The following DOCK2 variants were observed in gnomAD, a reference collection of about 807,000 sequenced individuals.
The protein encoded by DOCK2 is dedicator of cytokinesis protein 2.
A neutral mutation model predicts 248.9 loss-of-function variants in DOCK2; 87 were observed. That is an observed-to-expected ratio of 0.35 (90% confidence interval 0.29 to 0.42). The LOEUF is 0.42. Ranked by LOEUF, DOCK2 falls within the 10% of genes least tolerant of loss-of-function variation. DOCK2 has a pLI of 1.00. For synonymous variants in DOCK2, 805 were observed against 821.6 expected (o/e 0.98, Z 0.35); for missense variants, 1,747 against 2,300.2 (o/e 0.76, Z 4.92).
At chr5:169,824,520 G>C (rs1411266342) in intron 26 of DOCK2, among the ~76,000 whole-genome samples, 2 of 152,124 alleles carry the variant, frequency 1.3e-5, no homozygotes, top group African/African-American at 4.8e-5. Context: ...CAAGCAATGG[G>C]GAAAGGATTC....
chr5:169,989,118 CTT>C (rs1778146078), intron 29 of DOCK2, among the ~76,000 whole-genome samples: 1 of 152,036 alleles, frequency 6.6e-6, no homozygotes, highest in Non-Finnish European at 1.5e-5. Context: ...CTATTATTTA[CTT>C]ATCTGTTTGT....
At chr5:169,792,101 T>C (rs1188496912) in intron 25 of DOCK2, among the ~76,000 whole-genome samples, 1 of 152,164 alleles carries the variant, frequency 6.6e-6, no homozygotes, top group East Asian at 1.9e-4. Context: ...GGATTCTGTA[T>C]GGTGTGATGT....
intron 27 of DOCK2, among the ~76,000 whole-genome samples, chr5:169,853,883 T>C (rs1156452279): frequency 1.6e-5 from 2 of 122,726 alleles, no homozygotes; most frequent in Non-Finnish European, 1.6e-5. Context: ...TCACCCAGGC[T>C]GGAGTGCAGT....
intron 27 of DOCK2, among the ~76,000 whole-genome samples, chr5:169,920,651 A>T (rs1775122646): frequency 6.6e-6 from 1 of 152,218 alleles, no homozygotes; most frequent in Non-Finnish European, 1.5e-5. Context: ...GTGATAGCTC[A>T]GCCCCAGTGG....
At chr5:169,813,860 C>G (rs941610804) in intron 26 of DOCK2, among the ~76,000 whole-genome samples, 1 of 152,056 alleles carries the variant, frequency 6.6e-6, no homozygotes, top group African/African-American at 2.4e-5. Flanking sequence ...GAGTTGGGTA[C>G]CATGGATTTG....
intron 27 of DOCK2, among the ~76,000 whole-genome samples, chr5:169,873,914 C>T (rs1431641133): frequency 3.3e-5 from 5 of 152,152 alleles, no homozygotes; most frequent in Non-Finnish European, 7.4e-5. Flanking sequence ...GCAGGGTGCA[C>T]AGCTGTGAGG....
At chr5:170,055,498 T>A in intron 42 of DOCK2, 112 bp downstream of exon 42, 1 of 955,336 alleles carries the variant, frequency 1.0e-6, no homozygotes, top group Non-Finnish European at 1.6e-6. Flanking sequence ...CTTCTCTATC[T>A]TAGCCAGTTT....
intron 26 of DOCK2, among the ~76,000 whole-genome samples, chr5:169,811,067 G>A (rs557143797): frequency 3.3e-5 from 5 of 151,446 alleles, no homozygotes; most frequent in Non-Finnish European, 7.4e-5. Flanking sequence ...GACAGCAAAG[G>A]GCATTAGCAT....
chr5:170,062,614 C>G (rs60110310), intron 44 of DOCK2, among the ~76,000 whole-genome samples: 3,464 of 152,266 alleles, frequency 0.023, 151 homozygotes, highest in African/African-American at 0.079. Context: ...TTGGACCTCA[C>G]ATATACCATT....
At chr5:169,948,571 T>C (rs1294006664) in intron 27 of DOCK2, among the ~76,000 whole-genome samples, 1 of 151,782 alleles carries the variant, frequency 6.6e-6, no homozygotes, top group East Asian at 1.9e-4. Context: ...TATCCCTCCC[T>C]CCTTCCCTTC....
intron 26 of DOCK2, among the ~76,000 whole-genome samples, chr5:169,820,141 G>T (rs994920410): frequency 2.0e-5 from 3 of 152,222 alleles, no homozygotes; most frequent in African/African-American, 7.2e-5. Context: ...ACTGGGTGGA[G>T]CCCAACGCAG....
chr5:169,953,542 A>G (rs1776751223), intron 27 of DOCK2, among the ~76,000 whole-genome samples: 1 of 152,172 alleles, frequency 6.6e-6, no homozygotes, highest in Non-Finnish European at 1.5e-5. Context: ...GGAGCTGTCA[A>G]TAACATCAGC....
At position 169,854,374 on chromosome 5, in the gene DOCK2, G is replaced by A. The variant is rs546924580; in HGVS notation, c.2799+13522G>A. On this transcript the variant is annotated intron_variant, in intron 27 of 51. Transcript: ENST00000520908. ...CTAATTTTTGTATTTTAGTAGAGACGGGGTTTCACCACATTGGCCAGGCTG... is the reference window on the plus strand; with the variant it reads ...CTAATTTTTGTATTTTAGTAGAGACAGGGTTTCACCACATTGGCCAGGCTG... 2.2e-4 allele frequency among the ~76,000 whole-genome samples: 34 copies of A among 151,810 alleles called. No individual in the cohort carries two copies. The South Asian group carries it at 4.0e-3, about 18-fold the overall frequency.
At chr5:169,874,046 C>T (rs1561784568) in intron 27 of DOCK2, among the ~76,000 whole-genome samples, 1 of 152,126 alleles carries the variant, frequency 6.6e-6, no homozygotes, top group Non-Finnish European at 1.5e-5. Context: ...CAGAGAATCT[C>T]CTTTACAGAA....
intron 27 of DOCK2, among the ~76,000 whole-genome samples, chr5:169,863,942 G>T (rs1220653474): frequency 6.6e-6 from 1 of 152,184 alleles, no homozygotes. Context: ...CATCTTGGAG[G>T]TGTTGGAAGG....
Position 170,018,969 on chromosome 5 carries a change from A to C in DOCK2, c.3242A>C (p.Lys1081Thr), listed in dbSNP as rs1755629029. The stretch of plus-strand genomic sequence containing the variant: ...TCCTCTTCTCTTTCAGGTCAGAACA[A>C]AATCTGCTTCATCCCAGGCATGGTA... The part of the protein sequence containing the change: ...RDMWYKLGQN[K>T]ICFIPGMVGP... Residue 1081 changes from lysine (K) to threonine (T), a missense_variant, in exon 33 of 52, where the codon AAA becomes ACA. Transcript: ENST00000520908. 6.2e-7 allele frequency: 1 copy of C among 1,613,886 alleles called. No homozygotes were observed. Among genetic ancestry groups the C allele is most frequent in the Non-Finnish European group, 8.5e-7 (1 of 1,179,906 alleles).
intron 27 of DOCK2, among the ~76,000 whole-genome samples, chr5:169,865,023 T>C (rs920941069): frequency 2.0e-5 from 3 of 152,244 alleles, no homozygotes; most frequent in Non-Finnish European, 4.4e-5. Flanking sequence ...ATCATTAACA[T>C]AATTTCTACC....
chr5:169,664,096 A>G (rs1467505411), intron 2 of DOCK2, among the ~76,000 whole-genome samples: 3 of 152,342 alleles, frequency 2.0e-5, no homozygotes, highest in Non-Finnish European at 4.4e-5. Flanking sequence ...CTTGAATGCT[A>G]TGCTGCTTAG....
chr5:169,905,195 A>G (rs1047283475), intron 27 of DOCK2, among the ~76,000 whole-genome samples: 1 of 152,108 alleles, frequency 6.6e-6, no homozygotes, highest in Non-Finnish European at 1.5e-5. Context: ...GCTGGGAGCA[A>G]GCTAGGCAGA....
Sources: allele counts gnomAD v4.1 joint callset (sites outside exome capture counted in the v4.1 genomes callset), GRCh38; gene constraint gnomAD v4.1.1; transcripts MANE v1.5; gene names NCBI Gene and HGNC (gene_info 2026-07-23, HGNC 2026-07-21).